JAGN1: variants seen among roughly 807,000 people sequenced by gnomAD.
The protein encoded by JAGN1 is protein jagunal homolog 1.
A neutral mutation model predicts 17.1 loss-of-function variants in JAGN1; 13 were observed. The observed-to-expected ratio is 0.76, with a 90% CI of 0.49 to 1.21. The LOEUF (loss-of-function observed/expected upper bound fraction) is 1.21. JAGN1 is among the 50% of genes most tolerant of loss of function. The pLI is 0.00. For synonymous variants in JAGN1, 111 were observed against 91.0 expected (o/e 1.22, Z -1.25); for missense variants, 256 against 234.2 (o/e 1.09, Z -0.61).
In JAGN1 at chr3:9,890,709, T is replaced by C. The variant is rs370067197; in HGVS notation, c.-14T>C. On this transcript the variant is annotated 5_prime_UTR_variant, in exon 1 of 2. Transcript: ENST00000647897. ...AGGTCCGCGTGAGGGGTTCGGGGGT[T>C]CTGGGCAGGCACAATGGCGTCTCGA... The C allele has an allele frequency of 1.7e-4, 266 of 1,602,668 alleles. No individual in the cohort carries two copies. Among genetic ancestry groups the C allele is most frequent in the Non-Finnish European group, 2.2e-4 (257 of 1,175,852 alleles).
At chr3:9,890,872 G>A (rs2082558000) in intron 1 of JAGN1, 61 bp downstream of exon 1, 3 of 1,410,114 alleles carry the variant, frequency 2.1e-6, no homozygotes, top group Non-Finnish European at 2.9e-6. Flanking sequence ...CGGGGCTTGG[G>A]GAGCGACGCC....
At chr3:9,891,931 G>C (rs2082565028) in intron 1 of JAGN1, among the ~76,000 whole-genome samples, 1 of 152,128 alleles carries the variant, frequency 6.6e-6, no homozygotes, top group Admixed American at 6.5e-5. Context: ...ACCTTCTCCC[G>C]CCAGACTTTA....
intron 1 of JAGN1, among the ~76,000 whole-genome samples, chr3:9,892,488 A>G (rs150624071): frequency 3.3e-5 from 5 of 152,018 alleles, no homozygotes; most frequent in African/African-American, 1.2e-4. Context: ...TAACTCTCAT[A>G]GTCTTTGTGA....
In JAGN1 at chr3:9,893,289, C is replaced by T. The variant is rs1267800528; in HGVS notation, c.464C>T (p.Ala155Val). 2 of 1,614,044 alleles carry T rather than the reference C, an allele frequency of 1.2e-6. No homozygotes were observed. Among genetic ancestry groups the T allele is most frequent in the Non-Finnish European group, 1.7e-6 (2 of 1,180,028 alleles). ...ATCATGTACCTGGTGTTGGTGTTGG[C>T]AGTGCAAGTGCATGCCTGGCAGTTG... Reference protein sequence around the residue: ...VSIMYLVLVLAVQVHAWQLYY... With the variant: ...VSIMYLVLVLVVQVHAWQLYY... Residue 155 changes from alanine (A) to valine (V), a missense_variant, in exon 2 of 2, where the codon GCA becomes GTA. Coordinates refer to ENST00000647897, the MANE Select transcript of JAGN1 (RefSeq NM_032492.4).
chr3:9,891,010 G>T (rs928178841), intron 1 of JAGN1, among the ~76,000 whole-genome samples, 199 bp downstream of exon 1: 14 of 152,232 alleles, frequency 9.2e-5, no homozygotes, highest in Non-Finnish European at 1.8e-4. Flanking sequence ...TCCACCCCTT[G>T]TTCCGCCCGG....
At position 9,890,656 on chromosome 3, in the gene JAGN1, G is replaced by A. The variant is rs1575466024; in HGVS notation, c.-67G>A. On this transcript the variant is annotated 5_prime_UTR_variant, in exon 1 of 2. Coordinates refer to ENST00000647897, the MANE Select transcript of JAGN1 (RefSeq NM_032492.4). Reference sequence around the variant, plus strand: ...TGCGGGGGCGCAAATAGGGTCAGTGGGCCGCTTGGCGGTGTCGTTGCGGTA... The same window carrying A: ...TGCGGGGGCGCAAATAGGGTCAGTGAGCCGCTTGGCGGTGTCGTTGCGGTA... 3 of 1,483,012 alleles carry A rather than the reference G, an allele frequency of 2.0e-6. No individual in the cohort carries two copies. Among genetic ancestry groups the A allele is most frequent in the Admixed American group, 2.0e-5 (1 of 49,330 alleles). The allele number at this position is 1,483,012 out of a possible 1,614,324, so 91.9% of individuals were successfully genotyped here.
chr3:9,893,427 G>C lies in JAGN1; in HGVS notation c.*50G>C, dbSNP rs777461211. Reference sequence around the variant, plus strand: ...CATCCCATCGAATGAAAGGACACTAGTACAGCGGTTCCAAAATCCCTTCTG... The same window carrying C: ...CATCCCATCGAATGAAAGGACACTACTACAGCGGTTCCAAAATCCCTTCTG... On this transcript the variant is annotated 3_prime_UTR_variant, in exon 2 of 2. Transcript: ENST00000647897. 8.6e-6 allele frequency: 12 copies of C among 1,395,602 alleles called. No homozygotes were observed. The highest frequency in any genetic ancestry group is 2.5e-5 in the Admixed American group (1 of 39,898). The allele number at this position is 1,395,602 out of a possible 1,614,324, so 86.5% of individuals were successfully genotyped here. A position where few individuals can be genotyped will look rare whatever the true frequency, so the allele number is the denominator to read the frequency against.
rs776988033 is a variant in JAGN1 at position 9,893,011 on chromosome 3, C to T, written c.186C>T (p.Leu62=). Residue 62 remains leucine (L), a synonymous_variant, in exon 2 of 2, where the codon CTC becomes CTT. Coordinates refer to ENST00000647897, the MANE Select transcript of JAGN1 (RefSeq NM_032492.4). ...VAKMSVGHLR[L]LSHDQVAMPY... is the part of the protein sequence containing the mutation. ...AGATGAGCGTGGGACACCTGAGGCT[C>T]TTGTCACATGATCAGGTGGCCATGC... is the stretch of plus-strand genomic sequence containing the variant. The T allele has an allele frequency of 1.9e-6, 3 of 1,614,024 alleles. No individual in the cohort carries two copies. Among genetic ancestry groups the T allele is most frequent in the Non-Finnish European group, 2.5e-6 (3 of 1,179,994 alleles).
At position 9,890,666 on chromosome 3, in the gene JAGN1, C is replaced by G; in HGVS notation, c.-57C>G. On this transcript the variant is annotated 5_prime_UTR_variant, in exon 1 of 2. Coordinates refer to ENST00000647897, the MANE Select transcript of JAGN1 (RefSeq NM_032492.4). Reference sequence around the variant, plus strand: ...CAAATAGGGTCAGTGGGCCGCTTGGCGGTGTCGTTGCGGTACCAGGTCCGC... The same window carrying G: ...CAAATAGGGTCAGTGGGCCGCTTGGGGGTGTCGTTGCGGTACCAGGTCCGC... 6.6e-7 allele frequency: 1 copy of G among 1,509,302 alleles called. No individual in the cohort carries two copies. Among genetic ancestry groups the G allele is most frequent in the Non-Finnish European group, 9.0e-7 (1 of 1,107,782 alleles). 93.5% of individuals were successfully genotyped at this position (1,509,302 alleles called of 1,614,324 possible). A position where few individuals can be genotyped will look rare whatever the true frequency, so the allele number is the denominator to read the frequency against.
chr3:9,891,765 C>T (rs555318631), intron 1 of JAGN1, among the ~76,000 whole-genome samples: 2 of 152,190 alleles, frequency 1.3e-5, no homozygotes, highest in African/African-American at 2.4e-5. Context: ...TGTTTTCATG[C>T]CAGCCCAGAG....
At position 9,890,689 on chromosome 3, in the gene JAGN1, CG is replaced by C. The variant is rs1559259017; in HGVS notation, c.-33del. 1 of 1,581,332 alleles carries C rather than the reference CG, an allele frequency of 6.3e-7. No homozygotes were observed. Among genetic ancestry groups the C allele is most frequent in the Non-Finnish European group, 8.6e-7 (1 of 1,162,340 alleles). ...GGCGGTGTCGTTGCGGTACCAGGTC[CG>C]CGTGAGGGGTTCGGGGGTTCTGGGC... On this transcript the variant is annotated 5_prime_UTR_variant, in exon 1 of 2. Coordinates refer to ENST00000647897, the MANE Select transcript of JAGN1 (RefSeq NM_032492.4).
rs752200138 is a variant in JAGN1 at position 9,893,413 on chromosome 3, A to G, written c.*36A>G. On this transcript the variant is annotated 3_prime_UTR_variant, in exon 2 of 2. Coordinates refer to ENST00000647897, the MANE Select transcript of JAGN1 (RefSeq NM_032492.4). ...GGGTGAAGCCTGGACATCCCATCGA[A>G]TGAAAGGACACTAGTACAGCGGTTC... The G allele has an allele frequency of 1.7e-5, 26 of 1,485,796 alleles. No individual in the cohort carries two copies. The highest frequency in any genetic ancestry group is 2.3e-5 in the Non-Finnish European group (25 of 1,095,128). The allele number at this position is 1,485,796 out of a possible 1,614,324, so 92.0% of individuals were successfully genotyped here.
At position 9,890,721 on chromosome 3, in the gene JAGN1, C is replaced by T. The variant is rs2082556296; in HGVS notation, c.-2C>T. ...GGGGTTCGGGGGTTCTGGGCAGGCA[C>T]AATGGCGTCTCGAGCAGGCCCGCGA... On this transcript the variant is annotated 5_prime_UTR_variant, in exon 1 of 2. Coordinates refer to ENST00000647897, the MANE Select transcript of JAGN1 (RefSeq NM_032492.4). 6.2e-7 allele frequency: 1 copy of T among 1,607,050 alleles called. No homozygotes were observed. The highest frequency in any genetic ancestry group is 1.1e-5 in the South Asian group (1 of 89,444).
rs1352926506 is a variant in JAGN1, at chr3:9,890,788, C to T, written c.66C>T (p.Arg22=). The part of the protein sequence containing the change: ...TDGSDFQHRE[R]VAMHYQMSVT... ...GCAGCGACTTTCAGCACCGGGAGCG[C>T]GTCGCCATGCACTACCAGATGAGGT... is the stretch of plus-strand genomic sequence containing the variant. Residue 22 remains arginine (R), a synonymous_variant, in exon 1 of 2, where the codon CGC becomes CGT. Coordinates refer to ENST00000647897, the MANE Select transcript of JAGN1 (RefSeq NM_032492.4). The T allele has an allele frequency of 2.5e-6, 4 of 1,608,480 alleles. No homozygotes were observed. The highest frequency in any genetic ancestry group is 1.1e-5 in the South Asian group (1 of 89,788).
rs755763965 is a variant in JAGN1 at position 9,893,152 on chromosome 3, C to CT, written c.331dup (p.Ser111PhefsTer73). On this transcript the variant is annotated frameshift_variant, in exon 2 of 2. Coordinates refer to ENST00000647897, the MANE Select transcript of JAGN1 (RefSeq NM_032492.4). LOFTEE classifies it high-confidence loss of function. ...TGCTCTCCATGATCAGCATGGGACTCTTTTCCATCGCTCCACTCATTTATG... is the reference window on the plus strand; with the variant it reads ...TGCTCTCCATGATCAGCATGGGACTCTTTTTCCATCGCTCCACTCATTTATG... The CT allele has an allele frequency of 9.9e-6, 16 of 1,614,232 alleles. No individual in the cohort carries two copies. The highest frequency in any genetic ancestry group is 2.2e-5 in the South Asian group (2 of 91,084).
Position 9,890,762 on chromosome 3 carries a change from G to T in JAGN1, c.40G>T (p.Gly14Cys), listed in dbSNP as rs786205704. The T allele has an allele frequency of 6.2e-7, 1 of 1,610,470 alleles. No homozygotes were observed. The highest frequency in any genetic ancestry group is 1.3e-5 in the African/African-American group (1 of 74,980). ...RAGPRAAGTDGSDFQHRERVA... is the reference protein window; with the variant it reads ...RAGPRAAGTDCSDFQHRERVA... ...AGGCCCGCGAGCGGCCGGCACCGAC[G>T]GCAGCGACTTTCAGCACCGGGAGCG... is the stretch of plus-strand genomic sequence containing the variant. Residue 14 changes from glycine (G) to cysteine (C), a missense_variant, in exon 1 of 2, where the codon GGC becomes TGC. Transcript: ENST00000647897.
In JAGN1 at chr3:9,893,134, C is replaced by T; in HGVS notation, c.309C>T (p.Ser103=). The change falls in exon 2 of 2, where the codon TCC becomes TCT. Residue 103 remains serine (S), a synonymous_variant. Transcript: ENST00000647897. The stretch of plus-strand genomic sequence containing the variant: ...ACAACATTAGCTACCTGGTGCTCTC[C>T]ATGATCAGCATGGGACTCTTTTCCA... ...PRNNISYLVL[S]MISMGLFSIA... The T allele has an allele frequency of 6.2e-7, 1 of 1,614,202 alleles. No individual in the cohort carries two copies. Among genetic ancestry groups the T allele is most frequent in the Non-Finnish European group, 8.5e-7 (1 of 1,180,014 alleles).
intron 1 of JAGN1, 124 bp downstream of exon 1, chr3:9,890,935 C>T (rs2082558460): frequency 6.2e-6 from 5 of 811,212 alleles, no homozygotes; most frequent in South Asian, 3.6e-5. Flanking sequence ...CCTGCCAAGT[C>T]CCCTCCTCCC....
In JAGN1 at chr3:9,894,313, A is replaced by G. The variant is rs2082582469; in HGVS notation, c.*936A>G. The G allele has an allele frequency of 1.3e-5, 2 of 152,326 alleles. No homozygotes were observed. The highest frequency in any genetic ancestry group is 4.1e-4 in the South Asian group (2 of 4,826). 9.4% of individuals were successfully genotyped at this position (152,326 alleles called of 1,614,324 possible). Reference sequence around the variant, plus strand: ...GTACATTAAAAACAGGAAGGAAGAGATCTGTGATTAAACTAAAGGCCCTTT... The same window carrying G: ...GTACATTAAAAACAGGAAGGAAGAGGTCTGTGATTAAACTAAAGGCCCTTT... On this transcript the variant is annotated 3_prime_UTR_variant, in exon 2 of 2. Transcript: ENST00000647897.
Sources: gnomAD v4.1 joint callset for allele counts (sites outside exome capture counted in the v4.1 genomes callset) on GRCh38, gnomAD v4.1.1 for gene constraint, MANE v1.5 for transcripts, NCBI Gene and HGNC (gene_info 2026-07-23, HGNC 2026-07-21) for gene names.